Variants in ROR1 observed in about 807,000 individuals in gnomAD.
ROR1 encodes the protein ROR family WNT receptor 1, also known as inactive tyrosine-protein kinase transmembrane receptor ROR1.
In ROR1, 19 loss-of-function variants were observed where a neutral mutation model predicts 78.8. The observed-to-expected ratio is 0.24, with a 90% CI of 0.17 to 0.35. The LOEUF is 0.35. Among genes scored for constraint, ROR1 ranks in the 10% least tolerant of loss-of-function variants. ROR1 has a pLI of 1.00. For missense variants in ROR1, 917 were observed against 1,177.8 expected (o/e 0.78, Z 3.24); for synonymous variants, 386 against 433.6 (o/e 0.89, Z 1.36).
chr1:63,844,370 C>G (rs955616841), intron 1 of ROR1, among the ~76,000 whole-genome samples: 4 of 152,178 alleles, frequency 2.6e-5, no homozygotes, highest in African/African-American at 9.7e-5. Flanking sequence ...TTAGGCACAT[C>G]CTCTTCCTTC....
intron 4 of ROR1, among the ~76,000 whole-genome samples, chr1:64,120,088 A>G (rs1309607327): frequency 1.3e-5 from 2 of 152,252 alleles, no homozygotes; most frequent in Non-Finnish European, 2.9e-5. Context: ...TTCTCCAAAG[A>G]CGCAATGTGC....
At chr1:64,147,905 G>A (rs184623900) in intron 7 of ROR1, among the ~76,000 whole-genome samples, 185 of 152,222 alleles carry the variant, frequency 1.2e-3, no homozygotes, top group African/African-American at 4.1e-3. Flanking sequence ...TCACAAGTGG[G>A]TGGGGTTGGG....
chr1:64,000,486 C>T (rs889856412), intron 1 of ROR1, among the ~76,000 whole-genome samples: 2 of 152,164 alleles, frequency 1.3e-5, no homozygotes, highest in Non-Finnish European at 2.9e-5. Context: ...TTGAACTTCT[C>T]CTTGGGGAAA....
intron 1 of ROR1, among the ~76,000 whole-genome samples, chr1:63,946,710 A>T (rs747138790): frequency 1.3e-5 from 2 of 152,218 alleles, no homozygotes; most frequent in Non-Finnish European, 2.9e-5. Flanking sequence ...TTTAGATTCT[A>T]AATCATGGCC....
At chr1:64,076,523 C>T (rs1647051473) in intron 4 of ROR1, among the ~76,000 whole-genome samples, 1 of 152,124 alleles carries the variant, frequency 6.6e-6, no homozygotes, top group Non-Finnish European at 1.5e-5. Context: ...TTAGAGAATG[C>T]CACCAAGAAC....
chr1:64,017,322 C>T (rs996413679), intron 2 of ROR1, among the ~76,000 whole-genome samples: 2 of 152,106 alleles, frequency 1.3e-5, no homozygotes, highest in Non-Finnish European at 2.9e-5. Flanking sequence ...TTTGCTTACA[C>T]CCAGTATAGA....
intron 2 of ROR1, among the ~76,000 whole-genome samples, chr1:64,040,775 C>T (rs906416488): frequency 6.6e-6 from 1 of 152,152 alleles, no homozygotes; most frequent in Non-Finnish European, 1.5e-5. Context: ...ATGACCTAAT[C>T]ACTTCCCAAG....
In ROR1 at chr1:64,117,053, C is replaced by T. The variant is rs183922435; in HGVS notation, c.483-20316C>T. Among the ~76,000 whole-genome samples the T allele has an allele frequency of 3.6e-3, 553 of 152,266 alleles. 1 individual carries two copies. The highest frequency in any genetic ancestry group is 5.5e-3 in the Non-Finnish European group (376 of 68,018). ...GCTATAAAATAAATATGTCCTCAAC[C>T]AAGTCCTGATTGACTAAGAAAACCA... On this transcript the variant is annotated intron_variant, in intron 4 of 8. Coordinates refer to ENST00000371079, the MANE Select transcript of ROR1 (RefSeq NM_005012.4).
rs1648540810 is a variant in ROR1 at position 64,121,487 on chromosome 1, CTG to C, written c.483-15881_483-15880del. Among the ~76,000 whole-genome samples the C allele has an allele frequency of 2.0e-5, 3 of 152,200 alleles. No homozygotes were observed. In the South Asian group the frequency reaches 6.2e-4, roughly 32 times the overall value. ...CACTGTCCCTCCCCCGGAATGTAAACTGCCATGAGGGCAGGGATTTTGGGATG... is the reference window on the plus strand; with the variant it reads ...CACTGTCCCTCCCCCGGAATGTAAACCCATGAGGGCAGGGATTTTGGGATG... On this transcript the variant is annotated intron_variant, in intron 4 of 8. Transcript: ENST00000371079.
intron 1 of ROR1, among the ~76,000 whole-genome samples, chr1:63,898,412 G>A (rs1017344621): frequency 2.0e-5 from 3 of 149,924 alleles, no homozygotes; most frequent in African/African-American, 7.4e-5. Context: ...AAAAAGGAAA[G>A]AATAAAAGAA....
chr1:63,823,228 C>T (rs1052147176), intron 1 of ROR1, among the ~76,000 whole-genome samples: 2 of 152,042 alleles, frequency 1.3e-5, no homozygotes, highest in East Asian at 1.9e-4. Context: ...CCTCCCAATC[C>T]ATGATGGGAC....
chr1:64,084,251 GT>G (rs1479772005), intron 4 of ROR1, among the ~76,000 whole-genome samples: 3 of 152,204 alleles, frequency 2.0e-5, no homozygotes, highest in Non-Finnish European at 4.4e-5. Context: ...TCAGAACTAG[GT>G]TGACTGGAGA....
chr1:63,989,711 G>A lies in ROR1; in HGVS notation c.92-19594G>A, dbSNP rs138854590. 2.8e-4 allele frequency among the ~76,000 whole-genome samples: 43 copies of A among 152,256 alleles called. 2 individuals carry two copies. Among genetic ancestry groups the A allele is most frequent in the African/African-American group, 9.9e-4 (41 of 41,546 alleles). On this transcript the variant is annotated intron_variant, in intron 1 of 8. Transcript: ENST00000371079. Reference sequence around the variant, plus strand: ...TTCCTTCAACTGTTTCTTAAATGATGTGGTTTCTAGATCTCTCATCATGTA... The same window carrying A: ...TTCCTTCAACTGTTTCTTAAATGATATGGTTTCTAGATCTCTCATCATGTA...
rs921285222 is a variant in ROR1 at position 63,833,486 on chromosome 1, T to A, written c.91+58978T>A. Among the ~76,000 whole-genome samples the A allele has an allele frequency of 4.6e-5, 7 of 152,234 alleles. No homozygotes were observed. The East Asian group carries it at 7.7e-4, about 17-fold the overall frequency. On this transcript the variant is annotated intron_variant, in intron 1 of 8. Transcript: ENST00000371079. ...AAGAAGGATTGCTTTGTTTTGTGGG[T>A]CTTCAGGGTGACAAGGGGAAGCTCC...
chr1:64,050,862 G>A (rs1221799461), intron 4 of ROR1, 146 bp downstream of exon 4: 14 of 784,856 alleles, frequency 1.8e-5, no homozygotes, highest in Non-Finnish European at 2.7e-5. Context: ...CATTTTGCTT[G>A]TTCTCTGCTC....
intron 1 of ROR1, among the ~76,000 whole-genome samples, chr1:64,005,102 G>A (rs954603669): frequency 6.6e-6 from 1 of 152,200 alleles, no homozygotes; most frequent in African/African-American, 2.4e-5. Context: ...GAAATGCAGT[G>A]TCTTTCTAAG....
intron 4 of ROR1, among the ~76,000 whole-genome samples, chr1:64,059,856 G>A (rs897436472): frequency 1.3e-5 from 2 of 152,296 alleles, no homozygotes; most frequent in East Asian, 3.9e-4. Context: ...CTGATCACTA[G>A]GTTAACTGAG....
intron 4 of ROR1, among the ~76,000 whole-genome samples, chr1:64,102,961 C>G (rs536954036): frequency 3.3e-5 from 5 of 152,146 alleles, no homozygotes; most frequent in African/African-American, 1.2e-4. Flanking sequence ...CAATCACCCC[C>G]CTGTTGAGAA....
At chr1:63,835,957 A>G (rs1645016673) in intron 1 of ROR1, among the ~76,000 whole-genome samples, 1 of 152,234 alleles carries the variant, frequency 6.6e-6, no homozygotes, top group Admixed American at 6.5e-5. Flanking sequence ...TAATTTGTGT[A>G]GTGACTAAAG....
Sources: allele counts gnomAD v4.1 joint callset (sites outside exome capture counted in the v4.1 genomes callset), GRCh38; gene constraint gnomAD v4.1.1; transcripts MANE v1.5; gene names NCBI Gene and HGNC (gene_info 2026-07-23, HGNC 2026-07-21).